BANK1: variants seen among roughly 807,000 people sequenced by gnomAD.
BANK1 encodes B-cell scaffold protein with ankyrin repeats.
BANK1 carries 95 observed loss-of-function variants against 94.5 expected under a neutral mutation model. The observed-to-expected ratio is 1.00, with a 90% CI of 0.85 to 1.19. The LOEUF is 1.19. BANK1 is among the 50% of genes most tolerant of loss of function. The probability of loss-of-function intolerance (pLI) is 0.00; values close to 1 mark genes in which losing one functional copy is unlikely to be tolerated. For missense variants in BANK1, 987 were observed against 932.2 expected, an observed-to-expected ratio of 1.06 and a Z score of -0.77; for synonymous variants, 334 against 308.4, an observed-to-expected ratio of 1.08 and a Z score of -0.87.
In BANK1 at chr4:102,029,811, A is replaced by G. The variant is rs112207433; in HGVS notation, c.1595-149A>G. ...GCATTTAGGGGGTGACATATAAATT[A>G]TTCTCCTGGAGTCACGAGCTCTTCT... is the stretch of plus-strand genomic sequence containing the variant. On this transcript the variant is annotated intron_variant, in intron 9 of 16. Transcript: ENST00000322953. The G allele has an allele frequency of 6.0e-3, 3,693 of 615,260 alleles. 91 individuals carry two copies. The highest frequency in any genetic ancestry group is 0.056 in the African/African-American group (3,054 of 54,154). The allele number at this position is 615,260 out of a possible 1,614,324, so 38.1% of individuals were successfully genotyped here.
At position 102,063,077 on chromosome 4, in the gene BANK1, G is replaced by T; in HGVS notation, c.2151G>T (p.Glu717Asp). The part of the protein sequence containing the change: ...GKSGLEMIQQ[E>D]KLRQLRDCII... ...GTCCTGGTTGTTTCCACATTAAGGA[G>T]AAATTACGACAACTACGAGACTGCA... Residue 717 changes from glutamate (E) to aspartate (D), a missense_variant and splice_region_variant, in exon 13 of 17, where the codon GAG becomes GAT. Physicochemically the swap from Glu to Asp is conservative, Grantham distance 45. Coordinates refer to ENST00000322953, the MANE Select transcript of BANK1 (RefSeq NM_017935.5). The T allele has an allele frequency of 1.2e-6, 2 of 1,613,262 alleles. No homozygotes were observed. The highest frequency in any genetic ancestry group is 1.7e-6 in the Non-Finnish European group (2 of 1,179,418).
At chr4:101,911,918 T>C (rs1280404078) in intron 6 of BANK1, among the ~76,000 whole-genome samples, 1 of 152,176 alleles carries the variant, frequency 6.6e-6, no homozygotes, top group Non-Finnish European at 1.5e-5. Context: ...TAAGCATCTA[T>C]AATTATAGAG....
chr4:101,983,218 A>C (rs1254027523), intron 7 of BANK1, among the ~76,000 whole-genome samples: 2 of 152,092 alleles, frequency 1.3e-5, no homozygotes, highest in African/African-American at 4.8e-5. Context: ...TTAAATTTTA[A>C]AATACACATT....
intron 2 of BANK1, among the ~76,000 whole-genome samples, chr4:101,831,223 C>T (rs192054929): frequency 6.6e-6 from 1 of 152,268 alleles, no homozygotes; most frequent in Non-Finnish European, 1.5e-5. Flanking sequence ...AAGCCATTCC[C>T]AGAGTAGCTA....
intron 5 of BANK1, 80 bp from the exon 6 acceptor site, chr4:101,895,225 A>G: frequency 1.4e-6 from 1 of 709,754 alleles, no homozygotes; most frequent in South Asian, 2.0e-5. Flanking sequence ...CAGTTAATAA[A>G]TTTTTGTTAA....
At chr4:102,012,600 G>A (rs1726546798) in intron 7 of BANK1, among the ~76,000 whole-genome samples, 1 of 152,152 alleles carries the variant, frequency 6.6e-6, no homozygotes, top group Non-Finnish European at 1.5e-5. Context: ...CAACAAAAGA[G>A]TATAATCTGT....
chr4:102,022,826 A>G (rs1261939123), intron 8 of BANK1, among the ~76,000 whole-genome samples: 2 of 152,048 alleles, frequency 1.3e-5, no homozygotes, highest in Admixed American at 6.6e-5. Context: ...TTGTGTTCCC[A>G]TCTCTCACCA....
At chr4:101,859,964 G>A (rs1173231437) in intron 3 of BANK1, among the ~76,000 whole-genome samples, 1 of 152,152 alleles carries the variant, frequency 6.6e-6, no homozygotes, top group African/African-American at 2.4e-5. Flanking sequence ...TGCAGAAACA[G>A]TCAAATGATG....
At position 101,835,500 on chromosome 4, in the gene BANK1, T is replaced by C. The variant is rs372114988; in HGVS notation, c.469+5294T>C. On this transcript the variant is annotated intron_variant, in intron 2 of 16. Transcript: ENST00000322953. ...GAAGAACCTTAACATTTCCATTTTG[T>C]TTTTCTGTTACCAAACCAAGGATTT... Among the ~76,000 whole-genome samples, 36 of 152,328 alleles carry C rather than the reference T, an allele frequency of 2.4e-4. No homozygotes were observed. In the East Asian group the frequency reaches 6.9e-3, roughly 29 times the overall value.
chr4:102,030,966 T>G (rs963219027), intron 10 of BANK1, among the ~76,000 whole-genome samples: 4 of 152,164 alleles, frequency 2.6e-5, no homozygotes, highest in Non-Finnish European at 4.4e-5. Flanking sequence ...GTAATGGGAT[T>G]GCTGGGTCAA....
intron 7 of BANK1, among the ~76,000 whole-genome samples, chr4:101,999,535 T>C (rs905461705): frequency 1.3e-5 from 2 of 152,212 alleles, no homozygotes; most frequent in African/African-American, 4.8e-5. Flanking sequence ...ATTTATTCAT[T>C]TACTCATCAC....
intron 6 of BANK1, among the ~76,000 whole-genome samples, chr4:101,913,018 T>A (rs150387293): frequency 6.6e-6 from 1 of 152,304 alleles, no homozygotes; most frequent in African/African-American, 2.4e-5. Flanking sequence ...GAAACCCATA[T>A]AAAGGCCAAT....
chr4:101,872,722 C>T (rs896180022), intron 5 of BANK1, among the ~76,000 whole-genome samples: 1 of 152,242 alleles, frequency 6.6e-6, no homozygotes, highest in Non-Finnish European at 1.5e-5. Context: ...CATGGTAACT[C>T]ACGCCTGTGG....
chr4:102,007,156 A>ATATATATATATATAATATATTT (rs1726333306), intron 7 of BANK1, among the ~76,000 whole-genome samples: 1 of 114,672 alleles, frequency 8.7e-6, no homozygotes, highest in African/African-American at 3.3e-5. Context: ...TTATATATAT[A>ATATATATATATATAATATATTT]TATATATATA....
intron 7 of BANK1, among the ~76,000 whole-genome samples, chr4:101,998,954 G>A (rs1346194037): frequency 6.6e-6 from 1 of 152,096 alleles, no homozygotes; most frequent in African/African-American, 2.4e-5. Flanking sequence ...TTTATTAACA[G>A]CCTGATAAAG....
intron 11 of BANK1, among the ~76,000 whole-genome samples, chr4:102,050,096 C>A (rs1727997656): frequency 1.3e-5 from 2 of 152,172 alleles, no homozygotes; most frequent in African/African-American, 4.8e-5. Context: ...CTCAAGTTGC[C>A]CACTTGGCCC....
intron 7 of BANK1, among the ~76,000 whole-genome samples, chr4:101,948,092 A>T (rs989029099): frequency 4.6e-5 from 7 of 152,154 alleles, no homozygotes; most frequent in African/African-American, 1.7e-4. Context: ...AAAACAATGA[A>T]TGTATGTCAT....
At chr4:101,955,654 G>T (rs958246173) in intron 7 of BANK1, among the ~76,000 whole-genome samples, 7 of 152,096 alleles carry the variant, frequency 4.6e-5, no homozygotes, top group Non-Finnish European at 1.0e-4. Flanking sequence ...TCTCTTTAAT[G>T]ATTGTTTCCT....
At chr4:102,067,736 AT>A (rs1209658326) in intron 13 of BANK1, among the ~76,000 whole-genome samples, 1 of 152,022 alleles carries the variant, frequency 6.6e-6, no homozygotes, top group East Asian at 1.9e-4. Context: ...TTAGTAATTA[AT>A]AGAACAAATA....
Sources: gnomAD v4.1 joint callset for allele counts (sites outside exome capture counted in the v4.1 genomes callset) on GRCh38, gnomAD v4.1.1 for gene constraint, MANE v1.5 for transcripts, NCBI Gene and HGNC (gene_info 2026-07-23, HGNC 2026-07-21) for gene names.